Variants in MEF2C observed in about 807,000 individuals in gnomAD.
MEF2C encodes myocyte enhancer factor 2C.
A neutral mutation model predicts 50.5 loss-of-function variants in MEF2C; 6 were observed. The observed-to-expected ratio is 0.12, with a 90% CI of 0.07 to 0.23. MEF2C has a LOEUF of 0.23. MEF2C is among the 10% of genes least tolerant of loss of function. The probability of loss-of-function intolerance (pLI) is 1.00; values close to 1 mark genes in which losing one functional copy is unlikely to be tolerated. For synonymous variants in MEF2C, 183 were observed against 228.0 expected (o/e 0.80, Z 1.78); for missense variants, 276 against 605.0 (o/e 0.46, Z 5.70).
intron 4 of MEF2C, 59 bp from the exon 5 acceptor site, chr5:88,752,102 C>G (rs1397784533): frequency 4.2e-6 from 6 of 1,436,396 alleles, no homozygotes; most frequent in Non-Finnish European, 5.6e-6. Flanking sequence ...AGAAGCTCTT[C>G]AAGACAGACA....
At chr5:88,744,396 A>G (rs1768350396) in intron 6 of MEF2C, among the ~76,000 whole-genome samples, 1 of 152,144 alleles carries the variant, frequency 6.6e-6, no homozygotes, top group Non-Finnish European at 1.5e-5. Context: ...CTACTAAAAT[A>G]CAGAATATTA....
intron 6 of MEF2C, chr5:88,735,160 A>G (rs769169430): frequency 3.0e-6 from 3 of 985,270 alleles, no homozygotes; most frequent in East Asian, 1.1e-4. Flanking sequence ...TGCTAAGAAG[A>G]GCCTGCATTT....
At chr5:88,886,358 T>C (rs368970166), upstream of MEF2C, among the ~76,000 whole-genome samples, 30 of 152,328 alleles carry the variant, frequency 2.0e-4, no homozygotes, top group South Asian at 6.0e-3. Flanking sequence ...ATCCTTGCCA[T>C]CTAATGATAC....
chr5:88,864,896 T>C (rs989452206), intron 1 of MEF2C, among the ~76,000 whole-genome samples: 2 of 151,752 alleles, frequency 1.3e-5, no homozygotes, highest in Non-Finnish European at 2.9e-5. Flanking sequence ...GCCTCCTGAG[T>C]AGTTGGGATT....
At chr5:88,805,823 CTTTTTTTTTTTTTT>C (rs869224140) in intron 2 of MEF2C, among the ~76,000 whole-genome samples, 1 of 61,554 alleles carries the variant, frequency 1.6e-5, no homozygotes, top group Admixed American at 2.2e-4. Flanking sequence ...CGTGAACATT[CTTTTTTTTTTTTTT>C]TTTTTTTTTT....
At chr5:88,808,301 C>T (rs369377485) in intron 2 of MEF2C, among the ~76,000 whole-genome samples, 6 of 152,114 alleles carry the variant, frequency 3.9e-5, no homozygotes, top group African/African-American at 1.4e-4. Context: ...TATCTAAAAC[C>T]ACTTTTAATC....
intron 1 of MEF2C, among the ~76,000 whole-genome samples, chr5:88,849,658 T>G (rs1282158358): frequency 1.3e-5 from 2 of 152,218 alleles, no homozygotes; most frequent in East Asian, 3.8e-4. Context: ...CTATCGTTAA[T>G]CAATATTTCG....
In MEF2C at chr5:88,722,394, A is replaced by T; in HGVS notation, c.*210T>A. The T allele has an allele frequency of 1.9e-6, 1 of 534,200 alleles. No homozygotes were observed. Among genetic ancestry groups the T allele is most frequent in the East Asian group, 2.9e-5 (1 of 34,134 alleles). 33.1% of individuals were successfully genotyped at this position (534,200 alleles called of 1,614,324 possible). A position where few individuals can be genotyped will look rare whatever the true frequency, so the allele number is the denominator to read the frequency against. The stretch of plus-strand genomic sequence containing the variant: ...TTTTGTACAAGTGTTCTGTTGTACA[A>T]CTCAAGTGCTAAGCTTATCTCAGCA... On this transcript the variant is annotated 3_prime_UTR_variant, in exon 11 of 11. Transcript: ENST00000504921.
intron 3 of MEF2C, among the ~76,000 whole-genome samples, chr5:88,796,553 T>G (rs1796114009): frequency 6.6e-6 from 1 of 152,144 alleles, no homozygotes; most frequent in Non-Finnish European, 1.5e-5. Context: ...TGGCTAGCAG[T>G]CTATTTTGTT....
chr5:88,856,163 C>G (rs1041300066), intron 1 of MEF2C, among the ~76,000 whole-genome samples: 1 of 152,168 alleles, frequency 6.6e-6, no homozygotes, highest in Non-Finnish European at 1.5e-5. Context: ...AGCAAAGAGA[C>G]TGGAGGCATT....
intron 3 of MEF2C, among the ~76,000 whole-genome samples, chr5:88,777,608 C>T (rs890406428): frequency 2.0e-5 from 3 of 152,208 alleles, no homozygotes; most frequent in Admixed American, 2.0e-4. Flanking sequence ...CCTTTGAACA[C>T]TTACTCTCAG....
At position 88,733,441 on chromosome 5, in the gene MEF2C, C is replaced by A. The variant is rs150763475; in HGVS notation, c.638-1540G>T. The A allele has an allele frequency of 3.6e-5, 35 of 985,192 alleles. No individual in the cohort carries two copies. In the African/African-American group the frequency reaches 6.1e-4, roughly 17 times the overall value. 61.0% of individuals were successfully genotyped at this position (985,192 alleles called of 1,614,324 possible). A position where few individuals can be genotyped will look rare whatever the true frequency, so the allele number is the denominator to read the frequency against. ...TTTCAGAGTAGAGGTATGACACAGA[C>A]CTCTAAGTGGTCAGAAAGATCTACT... On this transcript the variant is annotated intron_variant, in intron 6 of 10. Transcript: ENST00000504921.
intron 6 of MEF2C, chr5:88,742,424 G>T: frequency 1.0e-6 from 1 of 982,972 alleles, no homozygotes; most frequent in Admixed American, 6.2e-5. Context: ...AACAACCAAG[G>T]TTTTCTTATC....
intron 7 of MEF2C, 85 bp from the exon 8 acceptor site, chr5:88,730,319 A>T (rs1760894829): frequency 2.2e-6 from 3 of 1,389,972 alleles, no homozygotes; most frequent in Non-Finnish European, 3.0e-6. Context: ...AAGGAAAAGC[A>T]TCTTCCGATA....
chr5:88,725,905 G>A (rs72771874), intron 10 of MEF2C, among the ~76,000 whole-genome samples: 4,818 of 152,094 alleles, frequency 0.032, 125 homozygotes, highest in Non-Finnish European at 0.044. Flanking sequence ...TGGTGGTTTA[G>A]AAAAACACTA....
In MEF2C at chr5:88,772,739, C is replaced by A. The variant is rs552133900; in HGVS notation, c.259-11411G>T. 3.0e-6 allele frequency: 3 copies of A among 985,300 alleles called. No homozygotes were observed. In the African/African-American group the frequency reaches 5.2e-5, roughly 17 times the overall value. 61.0% of individuals were successfully genotyped at this position (985,300 alleles called of 1,614,324 possible). A position where few individuals can be genotyped will look rare whatever the true frequency, so the allele number is the denominator to read the frequency against. ...TTTCTCCCTCTTCCTAATAAACCAGCCTGCTCTTCAAGGAGTGGCTATAAG... is the reference window on the plus strand; with the variant it reads ...TTTCTCCCTCTTCCTAATAAACCAGACTGCTCTTCAAGGAGTGGCTATAAG... On this transcript the variant is annotated intron_variant, in intron 3 of 10. Coordinates refer to ENST00000504921, the MANE Select transcript of MEF2C (RefSeq NM_002397.5).
At chr5:88,850,728 GCA>G (rs372726587) in intron 1 of MEF2C, among the ~76,000 whole-genome samples, 9 of 150,654 alleles carry the variant, frequency 6.0e-5, no homozygotes, top group Admixed American at 2.0e-4. Flanking sequence ...ACATATATAT[GCA>G]CACACACACA....
intron 6 of MEF2C, among the ~76,000 whole-genome samples, chr5:88,744,291 C>T (rs375115937): frequency 1.1e-4 from 17 of 152,328 alleles, no homozygotes; most frequent in African/African-American, 3.6e-4. Context: ...TGGTGGCTCA[C>T]GCCTGTAATC....
At chr5:88,845,686 C>G (rs1819062847) in intron 1 of MEF2C, among the ~76,000 whole-genome samples, 1 of 152,166 alleles carries the variant, frequency 6.6e-6, no homozygotes. Flanking sequence ...TAAAAATACA[C>G]ATTTTTATCT....
Sources: gnomAD v4.1 joint callset for allele counts (sites outside exome capture counted in the v4.1 genomes callset) on GRCh38, gnomAD v4.1.1 for gene constraint, MANE v1.5 for transcripts, NCBI Gene and HGNC (gene_info 2026-07-23, HGNC 2026-07-21) for gene names.